The following TBC1D19 variants were observed in gnomAD, a reference collection of about 807,000 sequenced individuals.
The protein encoded by TBC1D19 is TBC1 domain family member 19, also known as TBC1 domain family, member 19.
Under a neutral mutation model 89.0 loss-of-function variants are expected in TBC1D19, and 60 were observed. The observed-to-expected ratio is 0.67, with a 90% CI of 0.55 to 0.84. The LOEUF is 0.84. Ranked by LOEUF, TBC1D19 falls within the 40% of genes least tolerant of loss-of-function variation. The pLI is 0.00. For synonymous variants in TBC1D19, 189 were observed against 199.7 expected (o/e 0.95, Z 0.45); for missense variants, 500 against 610.8 (o/e 0.82, Z 1.91).
the TBC1D19 span, among the ~76,000 whole-genome samples, chr4:26,788,340 G>C: frequency 6.6e-6 from 1 of 152,218 alleles, no homozygotes; most frequent in Admixed American, 6.5e-5. Context: ...GCTGAAAAGT[G>C]CCTAGAATCC....
intron 5 of TBC1D19, 84 bp downstream of exon 5, chr4:26,637,369 C>T: frequency 9.0e-7 from 1 of 1,108,916 alleles, no homozygotes; most frequent in Non-Finnish European, 1.3e-6. Flanking sequence ...CTGTTAGGCA[C>T]ATTTATTTAT....
the TBC1D19 span, among the ~76,000 whole-genome samples, chr4:26,776,418 A>G: frequency 6.6e-6 from 1 of 152,216 alleles, no homozygotes; most frequent in Non-Finnish European, 1.5e-5. Context: ...TCACCCCAAC[A>G]GAAGAGTTTG....
the TBC1D19 span, among the ~76,000 whole-genome samples, chr4:26,787,549 T>C: frequency 6.6e-6 from 1 of 151,396 alleles, no homozygotes; most frequent in African/African-American, 2.4e-5. Flanking sequence ...ACTATGAGAG[T>C]GTGTGCCTGG....
At chr4:26,654,130 CA>C (rs1560448911) in intron 7 of TBC1D19, among the ~76,000 whole-genome samples, 2 of 152,138 alleles carry the variant, frequency 1.3e-5, no homozygotes, top group African/African-American at 4.8e-5. Flanking sequence ...CCTTCACTTA[CA>C]AAGCTTAGTT....
At chr4:26,669,867 T>A (rs995965321) in intron 9 of TBC1D19, among the ~76,000 whole-genome samples, 3 of 151,772 alleles carry the variant, frequency 2.0e-5, no homozygotes, top group Non-Finnish European at 4.4e-5. Flanking sequence ...TAAAGGATTA[T>A]AATTTTAATC....
chr4:26,666,392 A>T lies in TBC1D19; in HGVS notation c.651A>T (p.Thr217=), dbSNP rs745327934. Residue 217 remains threonine, a synonymous_variant, in exon 9 of 21, where the codon ACA becomes ACT. Coordinates refer to ENST00000264866, the MANE Select transcript of TBC1D19 (RefSeq NM_018317.4). The part of the protein sequence containing the change: ...NIGQLGIDDS[T]QVPPELFENE... The stretch of plus-strand genomic sequence containing the variant: ...GACAACTGGGTATAGATGATTCTAC[A>T]CAAGTGCCTCCTGGTTAGTATTTTT... The T allele has an allele frequency of 1.5e-5, 24 of 1,609,866 alleles. No individual in the cohort carries two copies. The highest frequency in any genetic ancestry group is 1.9e-5 in the Non-Finnish European group (22 of 1,177,482).
chr4:26,737,287 A>G (rs970999964), intron 16 of TBC1D19, among the ~76,000 whole-genome samples: 10 of 152,144 alleles, frequency 6.6e-5, no homozygotes, highest in African/African-American at 2.4e-4. Context: ...GAGACCTTAC[A>G]GCGTATTTAT....
At chr4:26,620,415 C>T (rs533618481) in intron 3 of TBC1D19, among the ~76,000 whole-genome samples, 198 bp from the exon 4 acceptor site, 1 of 152,328 alleles carries the variant, frequency 6.6e-6, no homozygotes, top group East Asian at 1.9e-4. Flanking sequence ...TTATCTCAAT[C>T]ACCACCTTAT....
chr4:26,811,554 G>A, the TBC1D19 span, among the ~76,000 whole-genome samples: 1 of 152,230 alleles, frequency 6.6e-6, no homozygotes, highest in East Asian at 1.9e-4. Context: ...CCTAGAGAGG[G>A]TTCTTGGATC....
the TBC1D19 span, among the ~76,000 whole-genome samples, chr4:26,841,428 C>T: frequency 6.6e-6 from 1 of 151,306 alleles, no homozygotes; most frequent in Non-Finnish European, 1.5e-5. Flanking sequence ...GAGGGTCAGC[C>T]TGTTACCCCC....
the TBC1D19 span, among the ~76,000 whole-genome samples, chr4:26,839,681 T>G: frequency 6.6e-6 from 1 of 152,174 alleles, no homozygotes; most frequent in Non-Finnish European, 1.5e-5. Flanking sequence ...GCCATCTGGC[T>G]TCCATCCCAA....
At chr4:26,641,915 A>T (rs1177283034) in intron 7 of TBC1D19, among the ~76,000 whole-genome samples, 1 of 152,216 alleles carries the variant, frequency 6.6e-6, no homozygotes, top group African/African-American at 2.4e-5. Flanking sequence ...TGCCTCCAAG[A>T]AATATGGGAC....
intron 7 of TBC1D19, among the ~76,000 whole-genome samples, chr4:26,644,308 A>C (rs1011118348): frequency 2.0e-5 from 3 of 152,330 alleles, no homozygotes; most frequent in Non-Finnish European, 4.4e-5. Context: ...CATAAACAGA[A>C]CCAAAGACAA....
rs531583357 is a variant in TBC1D19 at position 26,753,265 on chromosome 4, G to A, written c.1436-555G>A. The stretch of plus-strand genomic sequence containing the variant: ...TAATCTGTTTAAAAATTCAGCCTCT[G>A]TATAACGTTTCAGAAGTCTGTCTAC... On this transcript the variant is annotated intron_variant, in intron 19 of 20. Coordinates refer to ENST00000264866, the MANE Select transcript of TBC1D19 (RefSeq NM_018317.4). Among the ~76,000 whole-genome samples, 819 of 152,218 alleles carry A rather than the reference G, an allele frequency of 5.4e-3. 11 individuals carry two copies. The highest frequency in any genetic ancestry group is 0.019 in the African/African-American group (782 of 41,526).
chr4:26,593,896 G>T (rs557635837), intron 1 of TBC1D19, among the ~76,000 whole-genome samples: 25 of 152,162 alleles, frequency 1.6e-4, no homozygotes, highest in African/African-American at 3.1e-4. Flanking sequence ...TTGGTGGGAT[G>T]GTAAACTAGT....
intron 13 of TBC1D19, among the ~76,000 whole-genome samples, chr4:26,703,344 C>T (rs1715478538): frequency 6.6e-6 from 1 of 151,976 alleles, no homozygotes; most frequent in African/African-American, 2.4e-5. Flanking sequence ...ATTCTGTTTT[C>T]AGAAATTGAG....
At chr4:26,595,667 C>G (rs1386223646) in intron 1 of TBC1D19, among the ~76,000 whole-genome samples, 3 of 151,056 alleles carry the variant, frequency 2.0e-5, no homozygotes, top group African/African-American at 7.3e-5. Context: ...TTCTCTTCCT[C>G]CCCCCTCCTT....
intron 13 of TBC1D19, among the ~76,000 whole-genome samples, chr4:26,715,969 C>T (rs1404170060): frequency 6.6e-6 from 1 of 152,066 alleles, no homozygotes; most frequent in Non-Finnish European, 1.5e-5. Context: ...TTTCTCAACT[C>T]CTTTCAATCT....
the TBC1D19 span, among the ~76,000 whole-genome samples, chr4:26,792,507 C>G: frequency 2.0e-5 from 3 of 152,158 alleles, no homozygotes; most frequent in South Asian, 6.2e-4. Flanking sequence ...ACAGGCCCAG[C>G]TGGAGGCGAA....
Sources: allele counts gnomAD v4.1 joint callset (sites outside exome capture counted in the v4.1 genomes callset), GRCh38; gene constraint gnomAD v4.1.1; transcripts MANE v1.5; gene names NCBI Gene and HGNC (gene_info 2026-07-23, HGNC 2026-07-21).